FSTL5: variants seen among roughly 807,000 people sequenced by gnomAD.
FSTL5 encodes the protein follistatin like 5.
FSTL5 carries 62 observed loss-of-function variants against 89.1 expected under a neutral mutation model. That is an observed-to-expected ratio of 0.70 (90% confidence interval 0.57 to 0.86). The LOEUF (loss-of-function observed/expected upper bound fraction) is 0.86, where lower values mean the gene tolerates loss of function less well. FSTL5 is among the 40% of genes least tolerant of loss of function. FSTL5 has a pLI of 0.00. For missense variants in FSTL5, 1,057 were observed against 1,001.6 expected (o/e 1.06, Z -0.75); for synonymous variants, 383 against 346.2 (o/e 1.11, Z -1.18).
intron 3 of FSTL5, among the ~76,000 whole-genome samples, chr4:161,937,802 C>CA (rs1734472747): frequency 6.6e-6 from 1 of 152,140 alleles, no homozygotes; most frequent in African/African-American, 2.4e-5. Context: ...AGCCAAAGAT[C>CA]AGCATCTCTC....
chr4:161,638,268 CT>C (rs1175844499), intron 7 of FSTL5, among the ~76,000 whole-genome samples: 1 of 151,494 alleles, frequency 6.6e-6, no homozygotes, highest in Non-Finnish European at 1.5e-5. Flanking sequence ...CTCTGTTTGT[CT>C]GTTGTTGGTG....
chr4:161,687,336 C>A (rs1193127332), intron 6 of FSTL5, among the ~76,000 whole-genome samples: 2 of 151,984 alleles, frequency 1.3e-5, no homozygotes, highest in Non-Finnish European at 2.9e-5. Context: ...CATATAAGAC[C>A]CATCTTTATA....
At chr4:161,770,604 T>C (rs1308092924) in intron 5 of FSTL5, among the ~76,000 whole-genome samples, 3 of 152,002 alleles carry the variant, frequency 2.0e-5, no homozygotes, top group Non-Finnish European at 4.4e-5. Flanking sequence ...AATGAAAATA[T>C]ATTGTTTCTT....
At chr4:161,594,626 T>C (rs1260815062) in intron 7 of FSTL5, among the ~76,000 whole-genome samples, 2 of 152,042 alleles carry the variant, frequency 1.3e-5, no homozygotes, top group African/African-American at 4.8e-5. Flanking sequence ...TTGATTCATG[T>C]TTTTCTCTTT....
chr4:161,779,125 G>A (rs1035329293), intron 4 of FSTL5, among the ~76,000 whole-genome samples: 1 of 152,214 alleles, frequency 6.6e-6, no homozygotes, highest in African/African-American at 2.4e-5. Flanking sequence ...GAGAGGGATA[G>A]AGTTTGGGTT....
intron 4 of FSTL5, among the ~76,000 whole-genome samples, chr4:161,787,293 A>C (rs1391798480): frequency 6.6e-6 from 1 of 152,138 alleles, no homozygotes; most frequent in Non-Finnish European, 1.5e-5. Context: ...TCTGTAGTTT[A>C]GAAGAAAGGA....
intron 8 of FSTL5, among the ~76,000 whole-genome samples, chr4:161,546,264 C>T (rs1376476842): frequency 1.4e-5 from 2 of 147,112 alleles, no homozygotes; most frequent in Non-Finnish European, 3.0e-5. Context: ...ATTAAGAATA[C>T]TATAAATATG....
intron 7 of FSTL5, among the ~76,000 whole-genome samples, chr4:161,593,557 G>A (rs977111605): frequency 6.6e-6 from 1 of 151,840 alleles, no homozygotes; most frequent in African/African-American, 2.4e-5. Context: ...GAGGAGTCAA[G>A]GAAGAAGGGA....
At chr4:161,666,671 C>T (rs1376064148) in intron 6 of FSTL5, among the ~76,000 whole-genome samples, 1 of 151,874 alleles carries the variant, frequency 6.6e-6, no homozygotes, top group Admixed American at 6.6e-5. Flanking sequence ...AGAGAAGACC[C>T]CTATATGGGG....
In FSTL5 at chr4:161,643,260, G is replaced by C. The variant is rs1330399316; in HGVS notation, c.894+13068C>G. 6.6e-5 allele frequency among the ~76,000 whole-genome samples: 10 copies of C among 152,182 alleles called. No homozygotes were observed. In the East Asian group the frequency reaches 1.5e-3, roughly 24 times the overall value. Reference sequence around the variant, plus strand: ...ATTCTTAGACATAAGAAGAGACTTTGAACTTCACTGAATGTACCTTTCTCT... The same window carrying C: ...ATTCTTAGACATAAGAAGAGACTTTCAACTTCACTGAATGTACCTTTCTCT... On this transcript the variant is annotated intron_variant, in intron 7 of 15. Transcript: ENST00000306100.
chr4:161,496,787 A>AAGATAGAGATAGAGATAGAGATAG (rs70937658), intron 12 of FSTL5, among the ~76,000 whole-genome samples: 1,697 of 143,800 alleles, frequency 0.012, 24 homozygotes, highest in South Asian at 0.026. Context: ...GATAGAGAAA[A>AAGATAGAGATAGAGATAGAGATAG]AGATAGAGAT....
chr4:161,618,333 T>C (rs1308704051), intron 7 of FSTL5, among the ~76,000 whole-genome samples: 1 of 135,134 alleles, frequency 7.4e-6, no homozygotes, highest in African/African-American at 2.9e-5. Context: ...CCTGCCTAAT[T>C]GCCCTGGCCA....
chr4:162,138,102 A>C (rs765361113), intron 1 of FSTL5, among the ~76,000 whole-genome samples: 26 of 152,008 alleles, frequency 1.7e-4, no homozygotes, highest in Non-Finnish European at 3.4e-4. Flanking sequence ...AAGCAACACC[A>C]TGAAAGCAGA....
At chr4:161,978,371 CACTTAAGGT>C (rs1403939680) in intron 3 of FSTL5, among the ~76,000 whole-genome samples, 1 of 152,008 alleles carries the variant, frequency 6.6e-6, no homozygotes, top group African/African-American at 2.4e-5. Context: ...TTTTACTGGG[CACTTAAGGT>C]TATTCAGACA....
At chr4:161,433,263 C>T (rs1578970011) in intron 15 of FSTL5, among the ~76,000 whole-genome samples, 1 of 151,760 alleles carries the variant, frequency 6.6e-6, no homozygotes, top group African/African-American at 2.4e-5. Context: ...ATATGTAAAT[C>T]AATCACTGTG....
Position 161,740,913 on chromosome 4 carries a change from G to T in FSTL5, c.727+18498C>A, listed in dbSNP as rs148429194. 2.0e-5 allele frequency among the ~76,000 whole-genome samples: 3 copies of T among 152,212 alleles called. No individual in the cohort carries two copies. In the East Asian group the frequency reaches 5.8e-4, roughly 29 times the overall value. Reference sequence around the variant, plus strand: ...CTGACATATTCAGCATCTGGTGAGGGCCCACTTCCTGGTTCATAGATGCTC... The same window carrying T: ...CTGACATATTCAGCATCTGGTGAGGTCCCACTTCCTGGTTCATAGATGCTC... On this transcript the variant is annotated intron_variant, in intron 6 of 15. Coordinates refer to ENST00000306100, the MANE Select transcript of FSTL5 (RefSeq NM_020116.5).
At chr4:161,748,835 A>G (rs1740295757) in intron 6 of FSTL5, among the ~76,000 whole-genome samples, 1 of 152,112 alleles carries the variant, frequency 6.6e-6, no homozygotes, top group African/African-American at 2.4e-5. Context: ...GTATGGTGGC[A>G]TTAAATACAT....
intron 11 of FSTL5, among the ~76,000 whole-genome samples, chr4:161,502,583 G>A (rs549593885): frequency 2.6e-5 from 4 of 151,886 alleles, no homozygotes; most frequent in African/African-American, 7.2e-5. Context: ...CTATATACTG[G>A]TAACTCAGCT....
chr4:162,081,062 T>A (rs1730073148), intron 2 of FSTL5, among the ~76,000 whole-genome samples: 1 of 151,628 alleles, frequency 6.6e-6, no homozygotes, highest in South Asian at 2.1e-4. Context: ...AGCAGAAAAG[T>A]TTATTTTAGG....
Sources: allele counts gnomAD v4.1 joint callset (sites outside exome capture counted in the v4.1 genomes callset), GRCh38; gene constraint gnomAD v4.1.1; transcripts MANE v1.5; gene names NCBI Gene and HGNC (gene_info 2026-07-23, HGNC 2026-07-21).